Variants in DOCK4 observed in about 807,000 individuals in gnomAD.
DOCK4 encodes dedicator of cytokinesis protein 4.
In DOCK4, 97 loss-of-function variants were observed where a neutral mutation model predicts 268.1. The ratio of observed to expected loss-of-function variants is 0.36; its 90% CI spans 0.31 to 0.43. The LOEUF (loss-of-function observed/expected upper bound fraction) is 0.43. DOCK4 is among the 20% of genes least tolerant of loss of function. The pLI, the probability that DOCK4 is intolerant of heterozygous loss-of-function variation, is 1.00. For missense variants in DOCK4, 2,145 were observed against 2,455.7 expected (o/e 0.87, Z 2.67); for synonymous variants, 954 against 887.2 (o/e 1.08, Z -1.34).
intron 16 of DOCK4, among the ~76,000 whole-genome samples, chr7:111,887,784 A>G (rs1807973631): frequency 6.8e-6 from 1 of 147,418 alleles, no homozygotes; most frequent in Non-Finnish European, 1.5e-5. Flanking sequence ...AAAAGGCTTG[A>G]GCATGTTTAT....
chr7:112,174,939 CTTTTT>C (rs368676870), intron 1 of DOCK4, among the ~76,000 whole-genome samples: 12,097 of 131,198 alleles, frequency 0.092, 686 homozygotes, highest in Middle Eastern at 0.16. Context: ...TCCCCTGGAA[CTTTTT>C]TTTTTTTTTT....
chr7:112,100,752 A>G (rs73434681), intron 1 of DOCK4, among the ~76,000 whole-genome samples: 3,840 of 152,332 alleles, frequency 0.025, 165 homozygotes, highest in African/African-American at 0.087. Flanking sequence ...GGCCTGGAAC[A>G]TACTAGACAT....
intron 1 of DOCK4, among the ~76,000 whole-genome samples, chr7:112,169,307 G>T (rs1430876116): frequency 7.2e-5 from 11 of 152,054 alleles, no homozygotes; most frequent in Admixed American, 7.2e-4. Flanking sequence ...CCAGTCTCAG[G>T]TATTCCTTTA....
At chr7:111,820,111 T>C (rs1801863901) in intron 27 of DOCK4, 1 of 152,256 alleles carries the variant, frequency 6.6e-6, no homozygotes. Context: ...CAGACTATGC[T>C]GCATTTATGA....
At chr7:111,760,610 A>C (rs1797328165) in intron 39 of DOCK4, among the ~76,000 whole-genome samples, 1 of 152,202 alleles carries the variant, frequency 6.6e-6, no homozygotes, top group Non-Finnish European at 1.5e-5. Flanking sequence ...CAAAGTATGA[A>C]AACAAAACAA....
At chr7:111,844,689 A>G in intron 25 of DOCK4, 74 bp downstream of exon 25, 1 of 1,502,640 alleles carries the variant, frequency 6.7e-7, no homozygotes, top group Non-Finnish European at 8.9e-7. Context: ...CCAGATTATA[A>G]CATCAAGCCA....
At chr7:111,775,282 C>G (rs982069487) in intron 36 of DOCK4, among the ~76,000 whole-genome samples, 2 of 152,162 alleles carry the variant, frequency 1.3e-5, no homozygotes, top group Non-Finnish European at 2.9e-5. Flanking sequence ...GATTCCCTTA[C>G]TCTTTTAAAG....
chr7:111,953,482 C>T (rs1370122001), intron 8 of DOCK4, among the ~76,000 whole-genome samples: 1 of 152,164 alleles, frequency 6.6e-6, no homozygotes, highest in Non-Finnish European at 1.5e-5. Flanking sequence ...TTTCTGATTG[C>T]CTAACAGTGT....
chr7:112,188,821 C>T (rs1271446966), intron 1 of DOCK4, among the ~76,000 whole-genome samples: 2 of 152,212 alleles, frequency 1.3e-5, no homozygotes, highest in African/African-American at 4.8e-5. Flanking sequence ...CTCATATACA[C>T]CCTCATCATA....
intron 17 of DOCK4, among the ~76,000 whole-genome samples, chr7:111,876,159 G>A (rs1341363437): frequency 1.3e-5 from 2 of 152,150 alleles, no homozygotes; most frequent in Non-Finnish European, 2.9e-5. Flanking sequence ...ACTACTGAAT[G>A]CTGATAAAAC....
chr7:112,183,519 T>C (rs1586996032), intron 1 of DOCK4, among the ~76,000 whole-genome samples: 1 of 152,186 alleles, frequency 6.6e-6, no homozygotes, highest in South Asian at 2.1e-4. Context: ...CACGGGATTA[T>C]GTCTGCCAGG....
At chr7:111,887,934 G>C (rs531003611) in intron 16 of DOCK4, among the ~76,000 whole-genome samples, 70 of 151,986 alleles carry the variant, frequency 4.6e-4, no homozygotes, top group African/African-American at 1.5e-3. Flanking sequence ...AAGGAATCCT[G>C]CCCAATCCCC....
chr7:111,979,051 G>A (rs1175481380), intron 7 of DOCK4, among the ~76,000 whole-genome samples: 1 of 152,172 alleles, frequency 6.6e-6, no homozygotes, highest in African/African-American at 2.4e-5. Context: ...CCTGTGTTGA[G>A]GGATAAGGTA....
rs1791762160 is a variant in DOCK4, at chr7:111,908,242, A to T, written c.1193-6441T>A. On this transcript the variant is annotated intron_variant, in intron 13 of 52. Coordinates refer to ENST00000428084, the MANE Select transcript of DOCK4 (RefSeq NM_001363540.2). ...GGCAGGCAGATCACAAGGTCAGGAGATCGAGACTATCTTGGCTAACACGGT... is the reference window on the plus strand; with the variant it reads ...GGCAGGCAGATCACAAGGTCAGGAGTTCGAGACTATCTTGGCTAACACGGT... 3.9e-5 allele frequency among the ~76,000 whole-genome samples: 6 copies of T among 152,048 alleles called. No individual in the cohort carries two copies. The South Asian group carries it at 1.0e-3, about 26-fold the overall frequency.
At chr7:111,754,980 A>G (rs1291212676) in intron 42 of DOCK4, among the ~76,000 whole-genome samples, 1 of 152,218 alleles carries the variant, frequency 6.6e-6, no homozygotes, top group Non-Finnish European at 1.5e-5. Flanking sequence ...TTCAGCCTGT[A>G]AGAAACCTAC....
chr7:112,060,218 A>G (rs1477629380), intron 1 of DOCK4, among the ~76,000 whole-genome samples: 1 of 152,224 alleles, frequency 6.6e-6, no homozygotes, highest in African/African-American at 2.4e-5. Flanking sequence ...GGAAAAGAAC[A>G]GCTTGAGTTC....
Position 111,735,146 on chromosome 7 carries a change from C to T in DOCK4, c.5327G>A (p.Ser1776Asn). Residue 1776 changes from serine (S) to asparagine (N), a missense_variant, in exon 51 of 53, where the codon AGC becomes AAC. By Grantham distance (46) the Ser-to-Asn change is conservative (BLOSUM62 1). Around this residue, in one of 2 missense-constraint regions of DOCK4, gnomAD observed 547 missense variants for 469.0 expected, o/e 1.17. Coordinates refer to ENST00000428084, the MANE Select transcript of DOCK4 (RefSeq NM_001363540.2). The stretch of plus-strand genomic sequence containing the variant: ...TTCCTTCCCACTGTCCAGGCTCCAG[C>T]TGCTAGGGGTGGGGTTCACAGCTGG... Reference protein sequence around the residue: ...PEKAVNPTPSSWSLDSGKEAK... With the variant: ...PEKAVNPTPSNWSLDSGKEAK... The T allele has an allele frequency of 6.3e-7, 1 of 1,593,078 alleles. No individual in the cohort carries two copies. The highest frequency in any genetic ancestry group is 8.6e-7 in the Non-Finnish European group (1 of 1,169,184).
chr7:112,127,928 C>T (rs1040292293), intron 1 of DOCK4, among the ~76,000 whole-genome samples: 2 of 152,142 alleles, frequency 1.3e-5, no homozygotes, highest in African/African-American at 4.8e-5. Context: ...ACTCAAGAGG[C>T]TGAGGCAGGA....
At chr7:111,921,315 G>T (rs1427888670) in intron 12 of DOCK4, among the ~76,000 whole-genome samples, 1 of 152,116 alleles carries the variant, frequency 6.6e-6, no homozygotes, top group East Asian at 1.9e-4. Flanking sequence ...AGAAAGGCTT[G>T]GTATCTTTTA....
Sources: allele counts gnomAD v4.1 joint callset (sites outside exome capture counted in the v4.1 genomes callset), GRCh38; gene constraint gnomAD v4.1.1; regional missense constraint gnomAD v4.1.1; transcripts MANE v1.5; gene names NCBI Gene and HGNC (gene_info 2026-07-23, HGNC 2026-07-21).